DCC: variants seen among roughly 807,000 people sequenced by gnomAD.
DCC encodes the protein netrin receptor DCC.
DCC carries 58 observed loss-of-function variants against 172.5 expected under a neutral mutation model. The observed-to-expected ratio is 0.34, with a 90% CI of 0.27 to 0.42. The LOEUF (loss-of-function observed/expected upper bound fraction) is 0.42. Ranked by LOEUF, DCC falls within the 10% of genes least tolerant of loss-of-function variation. The pLI is 1.00. For synonymous variants in DCC, 709 were observed against 644.5 expected (o/e 1.10, Z -1.52); for missense variants, 1,740 against 1,791.0 (o/e 0.97, Z 0.51).
At chr18:52,963,384 C>A (rs2040875983) in intron 5 of DCC, among the ~76,000 whole-genome samples, 1 of 151,660 alleles carries the variant, frequency 6.6e-6, no homozygotes. Context: ...ATTATGTATA[C>A]CTTACCAAGT....
chr18:53,014,623 G>C (rs537748006), intron 5 of DCC, among the ~76,000 whole-genome samples: 319 of 151,990 alleles, frequency 2.1e-3, no homozygotes, highest in African/African-American at 7.5e-3. Flanking sequence ...ACTTAAAGTA[G>C]AATGTTTTTC....
chr18:52,790,867 A>G (rs2037751514), intron 2 of DCC, among the ~76,000 whole-genome samples: 1 of 152,196 alleles, frequency 6.6e-6, no homozygotes, highest in South Asian at 2.1e-4. Context: ...TCTGAGTTAA[A>G]TTTTAGAAAG....
At chr18:52,876,871 CCA>C in intron 2 of DCC, among the ~76,000 whole-genome samples, 1 of 152,216 alleles carries the variant, frequency 6.6e-6, no homozygotes, top group Middle Eastern at 3.4e-3. Context: ...TAACCACCTG[CCA>C]GTTTATCATC....
chr18:52,823,935 T>A (rs2038457827), intron 2 of DCC, among the ~76,000 whole-genome samples: 1 of 152,200 alleles, frequency 6.6e-6, no homozygotes, highest in Non-Finnish European at 1.5e-5. Context: ...GCAGGTTGTT[T>A]ATACAGCTTG....
At chr18:53,212,902 C>A (rs2055780115) in intron 11 of DCC, among the ~76,000 whole-genome samples, 1 of 152,092 alleles carries the variant, frequency 6.6e-6, no homozygotes, top group Non-Finnish European at 1.5e-5. Flanking sequence ...GAACTCCTGA[C>A]CTCAAGTGAG....
At chr18:52,587,629 C>A (rs182609748) in intron 1 of DCC, among the ~76,000 whole-genome samples, 95 of 152,346 alleles carry the variant, frequency 6.2e-4, no homozygotes, top group Admixed American at 1.0e-3. Context: ...CTGGCCATTT[C>A]TTCTTCCATG....
At chr18:52,817,602 A>G (rs2038324665) in intron 2 of DCC, among the ~76,000 whole-genome samples, 1 of 152,048 alleles carries the variant, frequency 6.6e-6, no homozygotes, top group African/African-American at 2.4e-5. Context: ...TCTTTCTAAT[A>G]TATATTTTCA....
chr18:53,186,545 G>T (rs1419377009), intron 9 of DCC, among the ~76,000 whole-genome samples: 10 of 152,128 alleles, frequency 6.6e-5, no homozygotes, highest in Non-Finnish European at 2.9e-5. Context: ...AAAGGGTAAA[G>T]ATAGAAAGGA....
chr18:52,512,489 A>C (rs2031478749), intron 1 of DCC, among the ~76,000 whole-genome samples: 1 of 152,234 alleles, frequency 6.6e-6, no homozygotes, highest in Admixed American at 6.5e-5. Context: ...AGGCCATAAG[A>C]AAACATTTTT....
intron 3 of DCC, 87 bp from the exon 4 acceptor site, chr18:52,923,620 T>A: frequency 8.3e-6 from 9 of 1,082,150 alleles, no homozygotes; most frequent in Non-Finnish European, 1.3e-5. Context: ...TTTCTTTCCA[T>A]CTTTTGTTAG....
At chr18:53,073,088 A>C (rs1013190513) in intron 7 of DCC, among the ~76,000 whole-genome samples, 1 of 152,184 alleles carries the variant, frequency 6.6e-6, no homozygotes, top group African/African-American at 2.4e-5. Context: ...TTAAGCAAGC[A>C]TGGTTTCTTT....
chr18:52,603,199 T>C lies in DCC; in HGVS notation c.92-148855T>C, dbSNP rs193160887. Among the ~76,000 whole-genome samples, 279 of 152,094 alleles carry C rather than the reference T, an allele frequency of 1.8e-3. 1 individual carries two copies. The highest frequency in any genetic ancestry group is 6.4e-3 in the African/African-American group (264 of 41,518). The stretch of plus-strand genomic sequence containing the variant: ...GCTGATATTTACAATAAGATGACTA[T>C]AGGGAAACCAAGACATACTAAAATT... On this transcript the variant is annotated intron_variant, in intron 1 of 28. Transcript: ENST00000442544.
chr18:53,516,286 T>C (rs1252017639), intron 27 of DCC, among the ~76,000 whole-genome samples: 1 of 149,166 alleles, frequency 6.7e-6, no homozygotes, highest in Non-Finnish European at 1.5e-5. Flanking sequence ...TTACACCTTA[T>C]ACAAAAATCA....
At chr18:53,394,881 T>C (rs1267155777) in intron 17 of DCC, among the ~76,000 whole-genome samples, 2 of 152,058 alleles carry the variant, frequency 1.3e-5, no homozygotes, top group Middle Eastern at 3.2e-3. Flanking sequence ...GTGGTTCACA[T>C]CTGTAATCCC....
In DCC at chr18:53,532,985, T is replaced by C. The variant is rs1487902216; in HGVS notation, c.*2332T>C. 1 of 152,216 alleles carries C rather than the reference T, an allele frequency of 6.6e-6. No homozygotes were observed. The highest frequency in any genetic ancestry group is 2.4e-5 in the African/African-American group (1 of 41,468). The allele number at this position is 152,216 out of a possible 1,614,324, so 9.4% of individuals were successfully genotyped here. ...TGCTTTTGAAACTTTCTTCATTAAA[T>C]AGAATGGTTTGTCTTAGTAACTGGC... On this transcript the variant is annotated 3_prime_UTR_variant, in exon 29 of 29. Coordinates refer to ENST00000442544, the MANE Select transcript of DCC (RefSeq NM_005215.4).
intron 1 of DCC, among the ~76,000 whole-genome samples, chr18:52,446,703 T>C (rs1988135643): frequency 6.6e-6 from 1 of 152,188 alleles, no homozygotes; most frequent in Admixed American, 6.5e-5. Context: ...GATGTTACTG[T>C]GATGATTTGC....
chr18:53,339,243 G>A (rs1342385794), intron 14 of DCC, among the ~76,000 whole-genome samples: 1 of 152,162 alleles, frequency 6.6e-6, no homozygotes, highest in Non-Finnish European at 1.5e-5. Flanking sequence ...GACAGATCAT[G>A]GCCCTTAACT....
At chr18:53,078,003 C>T (rs748750064) in intron 7 of DCC, among the ~76,000 whole-genome samples, 4 of 152,142 alleles carry the variant, frequency 2.6e-5, no homozygotes, top group Non-Finnish European at 5.9e-5. Flanking sequence ...TTGTTGCTAT[C>T]CAGAAATCCA....
At chr18:52,858,641 C>T (rs1356278238) in intron 2 of DCC, among the ~76,000 whole-genome samples, 1 of 152,140 alleles carries the variant, frequency 6.6e-6, no homozygotes, top group African/African-American at 2.4e-5. Context: ...GTTTAGAAGC[C>T]AACCTGTAAT....
Sources: allele counts gnomAD v4.1 joint callset (sites outside exome capture counted in the v4.1 genomes callset), GRCh38; gene constraint gnomAD v4.1.1; transcripts MANE v1.5; gene names NCBI Gene and HGNC (gene_info 2026-07-23, HGNC 2026-07-21).